SFSWAP: variants seen among roughly 807,000 people sequenced by gnomAD.
SFSWAP encodes the protein splicing factor, suppressor of white-apricot homolog.
SFSWAP carries 17 observed loss-of-function variants against 100.7 expected under a neutral mutation model. The ratio of observed to expected loss-of-function variants is 0.17; its 90% CI spans 0.12 to 0.25. The LOEUF (loss-of-function observed/expected upper bound fraction) is 0.25. Among genes scored for constraint, SFSWAP ranks in the 10% least tolerant of loss-of-function variants. SFSWAP has a pLI of 1.00. For synonymous variants in SFSWAP, 504 were observed against 510.1 expected (o/e 0.99, Z 0.16); for missense variants, 1,005 against 1,262.6 (o/e 0.80, Z 3.09).
intron 11 of SFSWAP, among the ~76,000 whole-genome samples, chr12:131,761,043 G>A (rs899103674): frequency 6.6e-6 from 1 of 152,184 alleles, no homozygotes; most frequent in Non-Finnish European, 1.5e-5. Flanking sequence ...CTGCACTCCA[G>A]CCTGGGCGAA....
chr12:131,716,647 A>G (rs555744150), intron 3 of SFSWAP, among the ~76,000 whole-genome samples: 4 of 152,248 alleles, frequency 2.6e-5, no homozygotes, highest in Non-Finnish European at 5.9e-5. Context: ...ACAAAGTTTT[A>G]TTGGAACACA....
chr12:131,773,925 C>A (rs1421101024), intron 13 of SFSWAP, among the ~76,000 whole-genome samples: 2 of 152,072 alleles, frequency 1.3e-5, no homozygotes, highest in Non-Finnish European at 2.9e-5. Flanking sequence ...GAGGAGCTTA[C>A]CAGAATAGTG....
At chr12:131,793,773 A>G (rs894160516) in intron 15 of SFSWAP, among the ~76,000 whole-genome samples, 9 of 152,288 alleles carry the variant, frequency 5.9e-5, no homozygotes, top group Admixed American at 4.6e-4. Flanking sequence ...CCGACTTGAC[A>G]GAAGGATCTC....
In SFSWAP at chr12:131,753,269, A is replaced by T. The variant is rs1224822763; in HGVS notation, c.1228A>T (p.Thr410Ser). Residue 410 changes from threonine (T) to serine (S), a missense_variant, in exon 8 of 18, where the codon ACC becomes TCC. By Grantham distance (58) the Thr-to-Ser change is moderately conservative (BLOSUM62 1). This residue lies in a region of SFSWAP where 311 missense variants were observed against 317.8 expected (regional missense o/e 0.98). Transcript: ENST00000261674. ...CGTGTCTAACTCCCCTGGAGTGACG[A>T]CCACCGCCCCACCACCTCCTGGGAC... The part of the protein sequence containing the change: ...VTVSNSPGVT[T>S]TAPPPPGTTP... 6.2e-7 allele frequency: 1 copy of T among 1,613,886 alleles called. No individual in the cohort carries two copies.
At chr12:131,753,078 GC>G in intron 7 of SFSWAP, 44 bp from the exon 8 acceptor site, 2 of 1,607,544 alleles carry the variant, frequency 1.2e-6, no homozygotes, top group Non-Finnish European at 8.5e-7. Context: ...TCATGGACCA[GC>G]CTGTGGCCGG....
chr12:131,736,009 C>T (rs911392424), intron 7 of SFSWAP, among the ~76,000 whole-genome samples: 11 of 152,310 alleles, frequency 7.2e-5, no homozygotes, highest in Middle Eastern at 6.8e-3. Flanking sequence ...TGAAGAGACG[C>T]GCCTTCTCCC....
In SFSWAP at chr12:131,711,476, T is replaced by G. The variant is rs762356828; in HGVS notation, c.218+29T>G. 6.4e-7 allele frequency: 1 copy of G among 1,551,268 alleles called. No individual in the cohort carries two copies. The highest frequency in any genetic ancestry group is 1.1e-5 in the South Asian group (1 of 89,894). On this transcript the variant is annotated intron_variant, in intron 1 of 17. Transcript: ENST00000261674. This position sits in a 1 kb window ranked among gnomAD's most constrained non-coding sequence, Gnocchi z 4.9. Reference sequence around the variant, plus strand: ...GGTTCCTCTCCCCACCCGTCGATCCTTCCCTTCCCTCACCCGCTTGATCTC... The same window carrying G: ...GGTTCCTCTCCCCACCCGTCGATCCGTCCCTTCCCTCACCCGCTTGATCTC...
chr12:131,717,683 A>AT (rs1219527796), intron 3 of SFSWAP, among the ~76,000 whole-genome samples: 1 of 152,070 alleles, frequency 6.6e-6, no homozygotes, highest in Non-Finnish European at 1.5e-5. Context: ...TGTTTTAATC[A>AT]TTTTTTTCAT....
chr12:131,792,823 A>C (rs1485635910), intron 15 of SFSWAP, among the ~76,000 whole-genome samples: 1 of 152,226 alleles, frequency 6.6e-6, no homozygotes, highest in Non-Finnish European at 1.5e-5. Flanking sequence ...CAGAGCTCCC[A>C]CGGCTTTTCT....
chr12:131,799,101 A>G lies in SFSWAP; in HGVS notation c.2782A>G (p.Ile928Val). 6.2e-7 allele frequency: 1 copy of G among 1,613,852 alleles called. No individual in the cohort carries two copies. Among genetic ancestry groups the G allele is most frequent in the Non-Finnish European group, 8.5e-7 (1 of 1,179,762 alleles). The change falls in exon 17 of 18, where the codon ATC becomes GTC. Residue 928 changes from isoleucine (I) to valine (V), a missense_variant. Around this residue, in one of 7 missense-constraint regions of SFSWAP, gnomAD observed 295 missense variants for 347.9 expected, o/e 0.85. Transcript: ENST00000261674. ...SAIVSSVQSKITQDLMAKVRA... is the reference protein window; with the variant it reads ...SAIVSSVQSKVTQDLMAKVRA... The stretch of plus-strand genomic sequence containing the variant: ...AATCGTTTCTTCCGTGCAGAGCAAA[A>G]TCACTCAGGTCAGTGGGCACGCCCC...
intron 4 of SFSWAP, chr12:131,723,434 G>A (rs530706996): frequency 1.5e-4 from 23 of 152,230 alleles, no homozygotes; most frequent in African/African-American, 5.5e-4. Flanking sequence ...ATTTTGGAAG[G>A]CTTCCCACCC....
At chr12:131,753,954 C>T (rs932916902) in intron 8 of SFSWAP, among the ~76,000 whole-genome samples, 1 of 152,160 alleles carries the variant, frequency 6.6e-6, no homozygotes, top group African/African-American at 2.4e-5. Flanking sequence ...TGGAATGAAA[C>T]ACGCGAGTTT....
chr12:131,717,236 A>G (rs936083373), intron 3 of SFSWAP, among the ~76,000 whole-genome samples: 12 of 152,214 alleles, frequency 7.9e-5, no homozygotes, highest in African/African-American at 2.7e-4. Flanking sequence ...TTGATTTTCA[A>G]AATTACTGTA....
At chr12:131,718,404 TATG>T (rs1878134071) in intron 3 of SFSWAP, among the ~76,000 whole-genome samples, 1 of 152,348 alleles carries the variant, frequency 6.6e-6, no homozygotes, top group East Asian at 1.9e-4. Flanking sequence ...TAAAGTTTGC[TATG>T]ATATTTTTGT....
At chr12:131,720,539 A>G (rs939478496) in intron 4 of SFSWAP, among the ~76,000 whole-genome samples, 3 of 152,190 alleles carry the variant, frequency 2.0e-5, no homozygotes, top group African/African-American at 7.2e-5. Context: ...CTGGATTGCA[A>G]GTGGCATCGA....
chr12:131,711,567 C>A lies in SFSWAP; in HGVS notation c.218+120C>A. 1.2e-6 allele frequency: 1 copy of A among 814,046 alleles called. No individual in the cohort carries two copies. Among genetic ancestry groups the A allele is most frequent in the South Asian group, 1.6e-5 (1 of 61,144 alleles). 50.4% of individuals were successfully genotyped at this position (814,046 alleles called of 1,614,324 possible). On this transcript the variant is annotated intron_variant, in intron 1 of 17. Coordinates refer to ENST00000261674, the MANE Select transcript of SFSWAP (RefSeq NM_004592.4). The surrounding 1 kb of genome is among the most constrained non-coding windows in gnomAD (Gnocchi z 4.9). Reference sequence around the variant, plus strand: ...CTGGAGCCAGCGGGGATCTGGGGGACACCCCCTCCCCTGTCCCCACCTCCT... The same window carrying A: ...CTGGAGCCAGCGGGGATCTGGGGGAAACCCCCTCCCCTGTCCCCACCTCCT...
At chr12:131,784,967 C>T in intron 14 of SFSWAP, 1 of 894,006 alleles carries the variant, frequency 1.1e-6, no homozygotes, top group South Asian at 2.4e-5. Context: ...GTAAGCATTC[C>T]CCAGCCGCTA....
Position 131,734,163 on chromosome 12 carries a change from A to G in SFSWAP, c.1081+5735A>G, listed in dbSNP as rs754566121. ...GTGGACGCCAGGTGGCCCCTGGCAC[A>G]GAGAGCGTGTTCATCGCTGGCTCCT... is the stretch of plus-strand genomic sequence containing the variant. On this transcript the variant is annotated intron_variant, in intron 7 of 17. Transcript: ENST00000261674. The surrounding 1 kb of genome is among the most constrained non-coding windows in gnomAD (Gnocchi z 4.9). 5.3e-5 allele frequency among the ~76,000 whole-genome samples: 8 copies of G among 152,250 alleles called. No individual in the cohort carries two copies. Among genetic ancestry groups the G allele is most frequent in the Non-Finnish European group, 1.2e-4 (8 of 68,040 alleles).
chr12:131,780,817 G>C (rs1196433034), intron 14 of SFSWAP, among the ~76,000 whole-genome samples: 1 of 152,204 alleles, frequency 6.6e-6, no homozygotes, highest in Non-Finnish European at 1.5e-5. Context: ...TCAAAAGGAA[G>C]CATAATTCCT....
Sources: gnomAD v4.1 joint callset for allele counts (sites outside exome capture counted in the v4.1 genomes callset) on GRCh38, gnomAD v4.1.1 for gene constraint, gnomAD v4.1.1 regional missense constraint, Gnocchi (gnomAD v3.1) non-coding constraint, MANE v1.5 for transcripts, NCBI Gene and HGNC (gene_info 2026-07-23, HGNC 2026-07-21) for gene names.